LRGUK: variants seen among roughly 807,000 people sequenced by gnomAD.
LRGUK encodes the protein leucine-rich repeat and guanylate kinase domain-containing protein.
In LRGUK, 65 loss-of-function variants were observed where a neutral mutation model predicts 76.0. That is an observed-to-expected ratio of 0.85 (90% confidence interval 0.70 to 1.05). The LOEUF is 1.05. Among genes scored for constraint, LRGUK ranks in the 50% least tolerant of loss-of-function variants. The pLI, the probability that LRGUK is intolerant of heterozygous loss-of-function variation, is 0.00. For missense variants in LRGUK, 758 were observed against 732.8 expected, an observed-to-expected ratio of 1.03 and a Z score of -0.40; for synonymous variants, 268 against 265.6, an observed-to-expected ratio of 1.01 and a Z score of -0.09.
chr7:134,127,423 G>T, exon 1 of LRGUK: 1 of 1,613,870 alleles, frequency 6.2e-7, no homozygotes, highest in South Asian at 1.1e-5. Context: ...CTCCTGAGAG[G>T]CTTGGGCAGA....
chr7:134,226,261 T>TGTG (rs1554474109), intron 16 of LRGUK, among the ~76,000 whole-genome samples: 1 of 150,744 alleles, frequency 6.6e-6, no homozygotes, highest in Non-Finnish European at 1.5e-5. Context: ...TGTGTGTGTG[T>TGTG]TTCTGGTTCT....
At chr7:134,220,135 A>T (rs549716306) in intron 15 of LRGUK, among the ~76,000 whole-genome samples, 1 of 152,204 alleles carries the variant, frequency 6.6e-6, no homozygotes, top group Non-Finnish European at 1.5e-5. Flanking sequence ...TATCACAGAG[A>T]TTCAACAGAG....
At chr7:134,136,079 C>G (rs1797527620) in intron 1 of LRGUK, among the ~76,000 whole-genome samples, 1 of 152,206 alleles carries the variant, frequency 6.6e-6, no homozygotes, top group African/African-American at 2.4e-5. Context: ...CCATGGTTAT[C>G]TATATGCTAG....
Position 134,142,493 on chromosome 7 carries a change from G to A in LRGUK, c.488-569G>A, listed in dbSNP as rs927040388. On this transcript the variant is annotated intron_variant, in intron 3 of 15. Transcript: ENST00000645682. ...GATAAAATGCAAAACTCGGATGTAC[G>A]TTTGATCCAATCTGGAGTCAAAAAT... Among the ~76,000 whole-genome samples, 13 of 152,314 alleles carry A rather than the reference G, an allele frequency of 8.5e-5. No homozygotes were observed. In the South Asian group the frequency reaches 1.0e-3, roughly 12 times the overall value.
chr7:134,264,052 G>T, exon 20 of LRGUK: 2 of 1,435,092 alleles, frequency 1.4e-6, no homozygotes, highest in Non-Finnish European at 1.9e-6. Flanking sequence ...CCTGGCCATG[G>T]GTCCAGCTGT....
intron 5 of LRGUK, among the ~76,000 whole-genome samples, chr7:134,153,735 A>G (rs1798329831): frequency 1.3e-5 from 2 of 152,184 alleles, no homozygotes; most frequent in African/African-American, 4.8e-5. Context: ...CATTTAAACT[A>G]TGCGTGTTTC....
At chr7:134,184,185 A>C (rs552347455) in intron 11 of LRGUK, among the ~76,000 whole-genome samples, 1 of 152,284 alleles carries the variant, frequency 6.6e-6, no homozygotes, top group Non-Finnish European at 1.5e-5. Context: ...ATTCTAATCG[A>C]TATGGTAAAG....
At chr7:134,151,909 A>G (rs1275875539) in intron 5 of LRGUK, among the ~76,000 whole-genome samples, 1 of 152,074 alleles carries the variant, frequency 6.6e-6, no homozygotes, top group Non-Finnish European at 1.5e-5. Flanking sequence ...GAGGATGTCT[A>G]CAAAAATATT....
At chr7:134,136,982 T>G in intron 1 of LRGUK, 41 bp from the exon 2 acceptor site, 8 of 1,418,792 alleles carry the variant, frequency 5.6e-6, no homozygotes, top group Non-Finnish European at 7.9e-6. Flanking sequence ...TCTTTTCTAA[T>G]GAGAATCTTT....
chr7:134,245,847 T>A (rs1332448008), intron 16 of LRGUK, among the ~76,000 whole-genome samples: 1 of 152,136 alleles, frequency 6.6e-6, no homozygotes, highest in Non-Finnish European at 1.5e-5. Context: ...AATATATAGT[T>A]ATTTTATAGT....
chr7:134,222,101 A>G (rs1339356926), intron 16 of LRGUK, among the ~76,000 whole-genome samples, 183 bp downstream of exon 16: 1 of 152,260 alleles, frequency 6.6e-6, no homozygotes, highest in African/African-American at 2.4e-5. Context: ...TAAAAGTAGA[A>G]TATTCAATAT....
intron 4 of LRGUK, among the ~76,000 whole-genome samples, chr7:134,144,421 A>C (rs112912364): frequency 6.6e-6 from 1 of 151,960 alleles, no homozygotes; most frequent in Non-Finnish European, 1.5e-5. Flanking sequence ...TTACAGGTGT[A>C]AGCCACCACG....
chr7:134,247,749 G>T, intron 17 of LRGUK, 105 bp downstream of exon 17: 1 of 774,282 alleles, frequency 1.3e-6, no homozygotes, highest in Non-Finnish European at 2.1e-6. Context: ...GTCCTAAAAT[G>T]GACCCAGTGT....
intron 5 of LRGUK, among the ~76,000 whole-genome samples, chr7:134,152,648 G>A (rs1222409): frequency 0.99 from 150,145 of 152,140 alleles, 74,117 homozygotes; most frequent in Middle Eastern, 1. Context: ...GTATGAAATT[G>A]GTTCAACCAC....
At chr7:134,265,482 A>T (rs1031483826), downstream of LRGUK, among the ~76,000 whole-genome samples, 2 of 152,184 alleles carry the variant, frequency 1.3e-5, no homozygotes, top group African/African-American at 4.8e-5. Flanking sequence ...ATTCAAAGTT[A>T]TTAATGGATA....
At chr7:134,239,007 G>A (rs148480907) in intron 16 of LRGUK, among the ~76,000 whole-genome samples, 21 of 152,126 alleles carry the variant, frequency 1.4e-4, no homozygotes, top group African/African-American at 2.7e-4. Flanking sequence ...CTCTGAGTGC[G>A]GAGCCTGTCT....
At chr7:134,176,887 A>C in intron 8 of LRGUK, 90 bp from the exon 9 acceptor site, 5 of 720,174 alleles carry the variant, frequency 6.9e-6, no homozygotes, top group Non-Finnish European at 1.2e-5. Flanking sequence ...GTAGTAGGTG[A>C]AAGGCCCAAG....
chr7:134,197,679 A>T (rs567440751), intron 13 of LRGUK, among the ~76,000 whole-genome samples: 1 of 152,146 alleles, frequency 6.6e-6, no homozygotes, highest in South Asian at 2.1e-4. Flanking sequence ...GGCAATTTAG[A>T]CCTGTAGATG....
chr7:134,242,007 T>C (rs1802169490), intron 16 of LRGUK, among the ~76,000 whole-genome samples: 2 of 152,072 alleles, frequency 1.3e-5, no homozygotes, highest in Admixed American at 6.6e-5. Context: ...TTGAAACCAA[T>C]GAGAACAAAG....
Sources: allele counts gnomAD v4.1 joint callset (sites outside exome capture counted in the v4.1 genomes callset), GRCh38; gene constraint gnomAD v4.1.1; transcripts MANE v1.5; gene names NCBI Gene and HGNC (gene_info 2026-07-23, HGNC 2026-07-21).